PIBF1: variants seen among roughly 807,000 people sequenced by gnomAD.
The protein encoded by PIBF1 is progesterone-induced-blocking factor 1.
In PIBF1, 90 loss-of-function variants were observed where a neutral mutation model predicts 112.5. The observed-to-expected ratio is 0.80, with a 90% CI of 0.67 to 0.95. PIBF1 has a LOEUF of 0.95. PIBF1 is among the 40% of genes least tolerant of loss of function. PIBF1 has a pLI of 0.00. For missense variants in PIBF1, 915 were observed against 852.3 expected (o/e 1.07, Z -0.92); for synonymous variants, 301 against 288.6 (o/e 1.04, Z -0.44).
chr13:72,883,228 G>C (rs1925387), intron 10 of PIBF1, among the ~76,000 whole-genome samples: 111,930 of 152,016 alleles, frequency 0.74, 41,519 homozygotes, highest in South Asian at 0.81. Context: ...TAAAATAAGC[G>C]AGGCACAATA....
chr13:72,991,553 G>A (rs141584666), intron 16 of PIBF1, among the ~76,000 whole-genome samples: 2 of 152,098 alleles, frequency 1.3e-5, no homozygotes, highest in East Asian at 3.9e-4. Flanking sequence ...TAGTATAAAA[G>A]CATATCAGAT....
At chr13:72,906,891 C>T (rs1240287922) in intron 11 of PIBF1, among the ~76,000 whole-genome samples, 1 of 151,864 alleles carries the variant, frequency 6.6e-6, no homozygotes, top group African/African-American at 2.4e-5. Context: ...CTGATTCTCT[C>T]TTTTGACAGT....
chr13:72,987,947 C>T (rs183162884), intron 16 of PIBF1, among the ~76,000 whole-genome samples: 1 of 144,106 alleles, frequency 6.9e-6, no homozygotes, highest in African/African-American at 2.7e-5. Flanking sequence ...ACTGCAACCT[C>T]CGCCCCCCGG....
intron 6 of PIBF1, 58 bp downstream of exon 6, chr13:72,822,040 A>T (rs2036582028): frequency 2.7e-6 from 4 of 1,458,544 alleles, no homozygotes; most frequent in Non-Finnish European, 3.7e-6. Context: ...CATCAAAGTC[A>T]CCTGAGTTTT....
chr13:72,850,606 A>T (rs2038096436), intron 9 of PIBF1, among the ~76,000 whole-genome samples: 1 of 152,216 alleles, frequency 6.6e-6, no homozygotes, highest in Non-Finnish European at 1.5e-5. Flanking sequence ...TTAGTCCTGT[A>T]AATGTGCTCT....
At chr13:72,870,536 T>C (rs913220783) in intron 10 of PIBF1, among the ~76,000 whole-genome samples, 1 of 152,186 alleles carries the variant, frequency 6.6e-6, no homozygotes, top group East Asian at 1.9e-4. Flanking sequence ...CAAGTCAATA[T>C]TTATTGAACC....
intron 16 of PIBF1, among the ~76,000 whole-genome samples, chr13:72,986,649 G>A (rs2043295385): frequency 6.7e-6 from 1 of 150,374 alleles, no homozygotes; most frequent in South Asian, 2.1e-4. Flanking sequence ...CATAGATAGG[G>A]TATAGCTCCA....
At chr13:73,001,796 G>A (rs2043880005) in intron 17 of PIBF1, among the ~76,000 whole-genome samples, 1 of 151,710 alleles carries the variant, frequency 6.6e-6, no homozygotes, top group Non-Finnish European at 1.5e-5. Context: ...GCTGATTTTT[G>A]TATTTTCAGT....
chr13:72,828,216 T>C (rs540094051), intron 8 of PIBF1, among the ~76,000 whole-genome samples: 1 of 151,992 alleles, frequency 6.6e-6, no homozygotes, highest in South Asian at 2.1e-4. Context: ...TAGGATAATT[T>C]GGGTTGCAAA....
chr13:72,994,106 C>G (rs947600397), intron 16 of PIBF1, among the ~76,000 whole-genome samples: 10 of 120,106 alleles, frequency 8.3e-5, no homozygotes, highest in Non-Finnish European at 1.5e-4. Context: ...GAGCAAGAAC[C>G]TGTCTCAAAA....
At chr13:72,972,401 C>T (rs957566590) in intron 15 of PIBF1, among the ~76,000 whole-genome samples, 44 of 152,160 alleles carry the variant, frequency 2.9e-4, no homozygotes, top group Non-Finnish European at 1.2e-4. Context: ...CGGTGGCTCA[C>T]GCCTATAATC....
chr13:72,788,485 G>A (rs1435411990), intron 2 of PIBF1, among the ~76,000 whole-genome samples: 1 of 152,176 alleles, frequency 6.6e-6, no homozygotes, highest in African/African-American at 2.4e-5. Context: ...TAGGAACCCA[G>A]GCTCCTTTTA....
chr13:72,927,763 C>T (rs1566457294), intron 13 of PIBF1, among the ~76,000 whole-genome samples: 1 of 150,562 alleles, frequency 6.6e-6, no homozygotes, highest in Non-Finnish European at 1.5e-5. Context: ...TTCATTAAAT[C>T]TTAATATAAT....
At chr13:72,935,673 G>A (rs891222813) in intron 14 of PIBF1, among the ~76,000 whole-genome samples, 16 of 152,154 alleles carry the variant, frequency 1.1e-4, no homozygotes, top group South Asian at 4.1e-4. Context: ...ATGTATGAAA[G>A]TTCCAATTTT....
chr13:72,946,040 G>A (rs2042140349), intron 14 of PIBF1, among the ~76,000 whole-genome samples: 1 of 152,076 alleles, frequency 6.6e-6, no homozygotes, highest in African/African-American at 2.4e-5. Context: ...CCAACTGAGT[G>A]AGCTTCCATT....
intron 11 of PIBF1, among the ~76,000 whole-genome samples, chr13:72,895,720 A>AC (rs2040254215): frequency 6.6e-6 from 1 of 152,184 alleles, no homozygotes; most frequent in Admixed American, 6.5e-5. Context: ...AAAGCCTTAG[A>AC]AGGTTGATCC....
rs187767182 is a variant in PIBF1 at position 72,928,954 on chromosome 13, C to A, written c.1731-2211C>A. Among the ~76,000 whole-genome samples, 16 of 152,250 alleles carry A rather than the reference C, an allele frequency of 1.1e-4. No homozygotes were observed. In the East Asian group the frequency reaches 3.1e-3, roughly 29 times the overall value. ...CTCTGCATCTCATTTTCTTGCATGTCTTTGTCTTCCATTTCATTCATTTGT... is the reference window on the plus strand; with the variant it reads ...CTCTGCATCTCATTTTCTTGCATGTATTTGTCTTCCATTTCATTCATTTGT... On this transcript the variant is annotated intron_variant, in intron 13 of 17. Coordinates refer to ENST00000326291, the MANE Select transcript of PIBF1 (RefSeq NM_006346.4).
At chr13:73,001,265 A>G (rs963523085) in intron 17 of PIBF1, among the ~76,000 whole-genome samples, 2 of 152,212 alleles carry the variant, frequency 1.3e-5, no homozygotes, top group Non-Finnish European at 2.9e-5. Context: ...TCAATTTTCC[A>G]TAAGAATACT....
intron 3 of PIBF1, among the ~76,000 whole-genome samples, chr13:72,793,353 T>C (rs556177988): frequency 6.6e-6 from 1 of 152,170 alleles, no homozygotes; most frequent in Non-Finnish European, 1.5e-5. Flanking sequence ...TATCGGACCT[T>C]TTTATCAGCC....
Sources: gnomAD v4.1 joint callset for allele counts (sites outside exome capture counted in the v4.1 genomes callset) on GRCh38, gnomAD v4.1.1 for gene constraint, MANE v1.5 for transcripts, NCBI Gene and HGNC (gene_info 2026-07-23, HGNC 2026-07-21) for gene names.